Variants in FYB1 observed in about 807,000 individuals in gnomAD.
FYB1 encodes FYN binding protein 1, also known as FYN-binding protein 1.
FYB1 carries 41 observed loss-of-function variants against 94.1 expected under a neutral mutation model. The observed-to-expected ratio is 0.44, with a 90% CI of 0.34 to 0.57. FYB1 has a LOEUF of 0.57. Among genes scored for constraint, FYB1 ranks in the 20% least tolerant of loss-of-function variants. The probability of loss-of-function intolerance (pLI) is 0.02; values close to 1 mark genes in which losing one functional copy is unlikely to be tolerated. For synonymous variants in FYB1, 367 were observed against 353.2 expected (o/e 1.04, Z -0.44); for missense variants, 1,050 against 976.8 (o/e 1.07, Z -1.00).
At chr5:39,139,282 C>A in intron 4 of FYB1, 30 bp from the exon 5 acceptor site, 3 of 1,411,300 alleles carry the variant, frequency 2.1e-6, no homozygotes, top group East Asian at 2.6e-5. Flanking sequence ...AAATTTAATA[C>A]ATTTGTAATA....
chr5:39,262,991 C>G (rs1027569795), intron 1 of FYB1, among the ~76,000 whole-genome samples: 2 of 152,060 alleles, frequency 1.3e-5, no homozygotes, highest in African/African-American at 4.8e-5. Flanking sequence ...CAGAAAGGGA[C>G]TTTAATTTTC....
rs190339549 is a variant in FYB1, at chr5:39,124,368, G to T, written c.2046-90C>A. 2.7e-4 allele frequency: 201 copies of T among 752,194 alleles called. No homozygotes were observed. In the East Asian group the frequency reaches 6.4e-3, roughly 24 times the overall value. The allele number at this position is 752,194 out of a possible 1,614,324, so 46.6% of individuals were successfully genotyped here. A position where few individuals can be genotyped will look rare whatever the true frequency, so the allele number is the denominator to read the frequency against. ...TATAGGAGAGTATAAAGGGGCAATA[G>T]CCTAGAGGCATATTGGGTTACTTCA... On this transcript the variant is annotated intron_variant, in intron 12 of 18. Coordinates refer to ENST00000512982, the MANE Select transcript of FYB1 (RefSeq NM_001465.6).
intron 2 of FYB1, among the ~76,000 whole-genome samples, chr5:39,194,061 C>T (rs1188757690): frequency 1.3e-5 from 2 of 152,198 alleles, no homozygotes; most frequent in Non-Finnish European, 2.9e-5. Context: ...TTGACACAGA[C>T]ATATCCTGGC....
rs540718163 is a variant in FYB1 at position 39,218,319 on chromosome 5, CT to C, written c.-28+1123del. 5.0e-3 allele frequency among the ~76,000 whole-genome samples: 763 copies of C among 152,218 alleles called. 6 individuals carry two copies. Among genetic ancestry groups the C allele is most frequent in the Non-Finnish European group, 4.8e-3 (324 of 68,012 alleles). On this transcript the variant is annotated intron_variant, in intron 1 of 18. Transcript: ENST00000512982. ...TATTGGAAAGAGCACCCTTATCCTCCTCCCCCTCACCTATCACTTATGATTA... is the reference window on the plus strand; with the variant it reads ...TATTGGAAAGAGCACCCTTATCCTCCCCCCCTCACCTATCACTTATGATTA...
At chr5:39,134,593 A>AT (rs1050146590) in intron 8 of FYB1, among the ~76,000 whole-genome samples, 1 of 152,100 alleles carries the variant, frequency 6.6e-6, no homozygotes, top group African/African-American at 2.4e-5. Flanking sequence ...CACATGAAGC[A>AT]TTTTTTCTTT....
intron 1 of FYB1, among the ~76,000 whole-genome samples, chr5:39,242,154 T>A (rs1361080186): frequency 6.6e-6 from 1 of 152,160 alleles, no homozygotes. Context: ...TTTTTTATTA[T>A]TATACTTTAA....
chr5:39,244,256 C>G (rs554541213), intron 1 of FYB1, among the ~76,000 whole-genome samples: 1 of 152,000 alleles, frequency 6.6e-6, no homozygotes, highest in Admixed American at 6.6e-5. Flanking sequence ...TTTGCCCATT[C>G]GGTATGATAT....
At chr5:39,136,769 G>A (rs1042018556) in intron 7 of FYB1, among the ~76,000 whole-genome samples, 1 of 152,040 alleles carries the variant, frequency 6.6e-6, no homozygotes, top group Non-Finnish European at 1.5e-5. Flanking sequence ...TAAATATACC[G>A]GGAAGTTATA....
chr5:39,179,872 C>T (rs1485443488), intron 2 of FYB1, among the ~76,000 whole-genome samples: 1 of 152,198 alleles, frequency 6.6e-6, no homozygotes, highest in Non-Finnish European at 1.5e-5. Context: ...TCTTCCCTCA[C>T]TTGCCTGGTT....
At chr5:39,153,874 C>T (rs187620528) in intron 2 of FYB1, among the ~76,000 whole-genome samples, 70 of 152,130 alleles carry the variant, frequency 4.6e-4, no homozygotes, top group Admixed American at 1.5e-3. Context: ...CCTGGGCTTT[C>T]GAGATCTTCC....
intron 1 of FYB1, among the ~76,000 whole-genome samples, chr5:39,215,707 G>A (rs909018727): frequency 2.6e-5 from 4 of 152,216 alleles, no homozygotes; most frequent in Admixed American, 1.3e-4. Context: ...AAGGATTGGG[G>A]CACCTTTTGG....
chr5:39,175,268 G>A (rs955703991), intron 2 of FYB1, among the ~76,000 whole-genome samples: 3 of 152,246 alleles, frequency 2.0e-5, no homozygotes, highest in Admixed American at 6.5e-5. Flanking sequence ...GTTGGTAGGC[G>A]TAGGGAGTTT....
intron 16 of FYB1, among the ~76,000 whole-genome samples, chr5:39,111,441 T>G (rs541962814): frequency 6.6e-6 from 1 of 152,030 alleles, no homozygotes; most frequent in African/African-American, 2.4e-5. Context: ...AATGATAAAC[T>G]TACGTAAATG....
chr5:39,181,254 T>C (rs1023544187), intron 2 of FYB1, among the ~76,000 whole-genome samples: 6 of 152,224 alleles, frequency 3.9e-5, no homozygotes, highest in African/African-American at 1.4e-4. Context: ...TCTGAGAAGA[T>C]GAAAATGTTC....
At chr5:39,195,476 G>A (rs1230770570) in intron 2 of FYB1, among the ~76,000 whole-genome samples, 1 of 152,204 alleles carries the variant, frequency 6.6e-6, no homozygotes, top group African/African-American at 2.4e-5. Context: ...ACTTGCTGGT[G>A]AAAATAGCCC....
At chr5:39,180,659 G>A (rs1267143491) in intron 2 of FYB1, among the ~76,000 whole-genome samples, 1 of 152,206 alleles carries the variant, frequency 6.6e-6, no homozygotes, top group African/African-American at 2.4e-5. Context: ...TGCTGTTGCT[G>A]CTGCCTCCAC....
chr5:39,131,938 G>A (rs1741236009), intron 9 of FYB1, among the ~76,000 whole-genome samples: 1 of 152,198 alleles, frequency 6.6e-6, no homozygotes, highest in African/African-American at 2.4e-5. Flanking sequence ...ATGAAGTGAA[G>A]AAGAGGTAGA....
chr5:39,116,762 C>G (rs556971257), intron 16 of FYB1, among the ~76,000 whole-genome samples: 1 of 151,856 alleles, frequency 6.6e-6, no homozygotes, highest in South Asian at 2.1e-4. Context: ...ATCCAAAGAC[C>G]AGCAGCATCA....
At chr5:39,138,902 G>A in intron 5 of FYB1, 1 of 599,804 alleles carries the variant, frequency 1.7e-6, no homozygotes, top group Non-Finnish European at 3.0e-6. Context: ...AACAACTATT[G>A]TATGTAAGTT....
Sources: gnomAD v4.1 joint callset for allele counts (sites outside exome capture counted in the v4.1 genomes callset) on GRCh38, gnomAD v4.1.1 for gene constraint, MANE v1.5 for transcripts, NCBI Gene and HGNC (gene_info 2026-07-23, HGNC 2026-07-21) for gene names.